The following NCF2 variants were observed in gnomAD, a reference collection of about 807,000 sequenced individuals.
NCF2 encodes neutrophil cytosol factor 2.
Under a neutral mutation model 70.9 loss-of-function variants are expected in NCF2, and 45 were observed. That is an observed-to-expected ratio of 0.63 (90% CI 0.50 to 0.81). The LOEUF is 0.81. NCF2 is among the 40% of genes least tolerant of loss of function. The probability of loss-of-function intolerance (pLI) is 0.00; values close to 1 mark genes in which losing one functional copy is unlikely to be tolerated. For missense variants in NCF2, 522 were observed against 631.6 expected (o/e 0.83, Z 1.86); for synonymous variants, 203 against 233.6 (o/e 0.87, Z 1.19).
At chr1:183,583,624 A>T (rs1399608554) in intron 2 of NCF2, among the ~76,000 whole-genome samples, 2 of 152,246 alleles carry the variant, frequency 1.3e-5, no homozygotes, top group African/African-American at 4.8e-5. Context: ...TTTCTTACGA[A>T]ATTCGTAGAG....
At position 183,586,962 on chromosome 1, in the gene NCF2, T is replaced by C; in HGVS notation, c.190A>G (p.Ile64Val). ...TEAEKAFTRS[I>V]NRDKHLAVAY... is the part of the protein sequence containing the mutation. ...ACTGCCAAGTGCTTGTCTCGGTTAATGCTTCTGGTAAAGGCCTGAGGAGAG... is the reference window on the plus strand; with the variant it reads ...ACTGCCAAGTGCTTGTCTCGGTTAACGCTTCTGGTAAAGGCCTGAGGAGAG... The change falls in exon 2 of 15, where the codon ATT becomes GTT. Residue 64 changes from isoleucine to valine, a missense_variant. Coordinates refer to ENST00000367535, the MANE Select transcript of NCF2 (RefSeq NM_000433.4). 6.2e-7 allele frequency: 1 copy of C among 1,614,118 alleles called. No individual in the cohort carries two copies. The highest frequency in any genetic ancestry group is 8.5e-7 in the Non-Finnish European group (1 of 1,179,960).
the NCF2 span, among the ~76,000 whole-genome samples, chr1:183,599,424 T>TTCTTTCTTTCTTTCTTTCCTC: frequency 8.0e-5 from 2 of 25,144 alleles, no homozygotes; most frequent in African/African-American, 2.9e-4. Context: ...CTTTCTTTCC[T>TTCTTTCTTTCTTTCTTTCCTC]TCTTTCTTTC....
intron 2 of NCF2, among the ~76,000 whole-genome samples, chr1:183,578,848 G>A (rs1672924132): frequency 6.6e-6 from 1 of 152,226 alleles, no homozygotes; most frequent in African/African-American, 2.4e-5. Flanking sequence ...TGAGGATGCT[G>A]GCCCAGGCCT....
At chr1:183,557,655 T>C (rs1178028920) in intron 14 of NCF2, among the ~76,000 whole-genome samples, 2 of 152,190 alleles carry the variant, frequency 1.3e-5, no homozygotes, top group African/African-American at 2.4e-5. Flanking sequence ...TACAGATAGG[T>C]CATAGTAAGA....
chr1:183,585,835 T>C (rs1673324881), intron 2 of NCF2, among the ~76,000 whole-genome samples: 1 of 152,212 alleles, frequency 6.6e-6, no homozygotes, highest in African/African-American at 2.4e-5. Flanking sequence ...TCATTTTGAA[T>C]TTATTAATCT....
chr1:183,593,614 C>T (rs1673724473), upstream of NCF2, among the ~76,000 whole-genome samples: 1 of 152,236 alleles, frequency 6.6e-6, no homozygotes, highest in African/African-American at 2.4e-5. Flanking sequence ...TCATCTTTCA[C>T]TTCCTCAATG....
the NCF2 span, among the ~76,000 whole-genome samples, chr1:183,600,568 T>C: frequency 1.3e-5 from 2 of 152,220 alleles, no homozygotes; most frequent in Non-Finnish European, 2.9e-5. Flanking sequence ...CCAGAACTCT[T>C]GGCTCAGATT....
intron 2 of NCF2, among the ~76,000 whole-genome samples, chr1:183,584,804 GTCAAGATAA>G (rs1213749377): frequency 6.6e-6 from 1 of 152,104 alleles, no homozygotes; most frequent in Non-Finnish European, 1.5e-5. Context: ...CAAGACGTCG[GTCAAGATAA>G]ACACCTGCTG....
intron 9 of NCF2, among the ~76,000 whole-genome samples, chr1:183,566,051 A>C (rs1336024050): frequency 6.6e-6 from 1 of 152,364 alleles, no homozygotes; most frequent in Non-Finnish European, 1.5e-5. Context: ...TCTTTCAGCC[A>C]TATTGGAAAT....
chr1:183,569,527 G>T (rs1288913061), intron 6 of NCF2, among the ~76,000 whole-genome samples: 1 of 152,136 alleles, frequency 6.6e-6, no homozygotes, highest in African/African-American at 2.4e-5. Context: ...GTTTCCAAAA[G>T]CTCTGTTCTG....
intron 14 of NCF2, among the ~76,000 whole-genome samples, chr1:183,557,944 G>T (rs539577314): frequency 1.4e-4 from 21 of 151,958 alleles, no homozygotes; most frequent in Admixed American, 1.2e-3. Flanking sequence ...GTGCAATCTT[G>T]ACTCACTGCA....
chr1:183,567,975 TGA>T (rs1418481968), intron 7 of NCF2, among the ~76,000 whole-genome samples: 1 of 152,136 alleles, frequency 6.6e-6, no homozygotes, highest in Non-Finnish European at 1.5e-5. Context: ...AACGTGTGAC[TGA>T]GAGGCTGGTG....
intron 2 of NCF2, among the ~76,000 whole-genome samples, chr1:183,584,711 C>T (rs1487903521): frequency 3.9e-5 from 6 of 151,988 alleles, no homozygotes; most frequent in African/African-American, 1.5e-4. Flanking sequence ...GTTAGGCCTC[C>T]CTGCATATTC....
the NCF2 span, among the ~76,000 whole-genome samples, chr1:183,601,628 C>A: frequency 1.3e-5 from 2 of 151,964 alleles, no homozygotes; most frequent in Non-Finnish European, 2.9e-5. Context: ...GAGGTTGAGG[C>A]GGGTGGGTCA....
At chr1:183,567,558 G>A (rs1572155798) in intron 7 of NCF2, 1 of 709,712 alleles carries the variant, frequency 1.4e-6, no homozygotes, top group East Asian at 2.7e-5. Flanking sequence ...ATGCAGAGGG[G>A]CAAGAATAAA....
chr1:183,596,390 T>G, the NCF2 span, among the ~76,000 whole-genome samples: 1 of 151,690 alleles, frequency 6.6e-6, no homozygotes, highest in Non-Finnish European at 1.5e-5. Context: ...GGTCACTCAG[T>G]AAAAGTTTGA....
chr1:183,575,508 G>A (rs541755573), intron 3 of NCF2, among the ~76,000 whole-genome samples: 15 of 152,296 alleles, frequency 9.8e-5, no homozygotes, highest in African/African-American at 3.6e-4. Flanking sequence ...TGGTTCTTGA[G>A]TGTCTATTTT....
chr1:183,584,041 A>C (rs756038744), intron 2 of NCF2, among the ~76,000 whole-genome samples: 5 of 152,174 alleles, frequency 3.3e-5, no homozygotes, highest in Non-Finnish European at 5.9e-5. Flanking sequence ...GATTTAAGAA[A>C]TATTTAAGAG....
Position 183,556,114 on chromosome 1 carries a change from C to T in NCF2, c.*4G>A. 2 of 1,612,376 alleles carry T rather than the reference C, an allele frequency of 1.2e-6. No individual in the cohort carries two copies. The highest frequency in any genetic ancestry group is 1.7e-4 in the Middle Eastern group (1 of 6,056). ...TTCTTCAGCTTTGTAGTTTGTGAAA[C>T]ATCCTAGACTTCTCTCCGAGTGCTT... is the stretch of plus-strand genomic sequence containing the variant. On this transcript the variant is annotated 3_prime_UTR_variant, in exon 15 of 15. Transcript: ENST00000367535.
Sources: gnomAD v4.1 joint callset for allele counts (sites outside exome capture counted in the v4.1 genomes callset) on GRCh38, gnomAD v4.1.1 for gene constraint, MANE v1.5 for transcripts, NCBI Gene and HGNC (gene_info 2026-07-23, HGNC 2026-07-21) for gene names.